Variants in CGGBP1 observed in about 807,000 individuals in gnomAD.
CGGBP1 encodes CGG triplet repeat binding protein 1, also known as CGG triplet repeat-binding protein 1.
A neutral mutation model predicts 11.4 loss-of-function variants in CGGBP1; 4 were observed. The ratio of observed to expected loss-of-function variants is 0.35; its 90% CI spans 0.17 to 0.80. The LOEUF (loss-of-function observed/expected upper bound fraction) is 0.80, where lower values mean the gene tolerates loss of function less well. Ranked by LOEUF, CGGBP1 falls within the 30% of genes least tolerant of loss-of-function variation. The pLI, the probability that CGGBP1 is intolerant of heterozygous loss-of-function variation, is 0.52. For synonymous variants in CGGBP1, 76 were observed against 74.1 expected, an observed-to-expected ratio of 1.03 and a Z score of -0.13; for missense variants, 135 against 202.1, an observed-to-expected ratio of 0.67 and a Z score of 2.01.
intron 2 of CGGBP1, among the ~76,000 whole-genome samples, chr3:88,099,791 G>A (rs1251705285): frequency 1.3e-5 from 2 of 151,964 alleles, no homozygotes; most frequent in East Asian, 1.9e-4. Flanking sequence ...CTGAAAATGG[G>A]TCCCTTCCTT....
intron 2 of CGGBP1, among the ~76,000 whole-genome samples, chr3:88,077,748 A>G (rs1044384744): frequency 5.3e-5 from 8 of 152,218 alleles, no homozygotes; most frequent in Admixed American, 2.6e-4. Flanking sequence ...TTAAAAACTG[A>G]AGAAGTCACA....
At chr3:88,120,368 C>T (rs1183001969) in intron 2 of CGGBP1, among the ~76,000 whole-genome samples, 1 of 152,136 alleles carries the variant, frequency 6.6e-6, no homozygotes, top group African/African-American at 2.4e-5. Context: ...ATACTGCTAT[C>T]TTGAGAGCTT....
upstream of CGGBP1, chr3:88,059,586 C>G (rs1706722036): frequency 6.9e-7 from 1 of 1,439,824 alleles, no homozygotes; most frequent in Non-Finnish European, 9.1e-7. Flanking sequence ...GTCCATGAAT[C>G]TGGTCTATGT....
At chr3:88,060,369 C>T (rs1053413720), upstream of CGGBP1, among the ~76,000 whole-genome samples, 2 of 152,108 alleles carry the variant, frequency 1.3e-5, no homozygotes, top group African/African-American at 2.4e-5. Context: ...CAAATATACC[C>T]CTACTTTTTT....
chr3:88,055,981 A>C lies in CGGBP1; in HGVS notation c.-5T>G. ...TGTTACTACAAATCGCTCCATTCTGACTCTAAATAAATATGGTTCTTTCAA... is the reference window on the plus strand; with the variant it reads ...TGTTACTACAAATCGCTCCATTCTGCCTCTAAATAAATATGGTTCTTTCAA... On this transcript the variant is annotated 5_prime_UTR_variant, in exon 4 of 4. Transcript: ENST00000482016. This position sits in a 1 kb window ranked among gnomAD's most constrained non-coding sequence, Gnocchi z 4.2. 3 of 1,592,202 alleles carry C rather than the reference A, an allele frequency of 1.9e-6. No homozygotes were observed. The highest frequency in any genetic ancestry group is 2.6e-6 in the Non-Finnish European group (3 of 1,168,668).
At chr3:88,115,555 CAAT>C (rs1332211420) in intron 2 of CGGBP1, among the ~76,000 whole-genome samples, 1 of 152,142 alleles carries the variant, frequency 6.6e-6, no homozygotes, top group Non-Finnish European at 1.5e-5. Context: ...TTTATTTTTA[CAAT>C]AATACCAAAA....
intron 2 of CGGBP1, chr3:88,139,291 A>G (rs370256107): frequency 2.0e-5 from 32 of 1,568,406 alleles, no homozygotes; most frequent in African/African-American, 1.1e-4. Flanking sequence ...GTAGATCACA[A>G]TGTCCCAAGG....
chr3:88,116,734 A>C (rs547464938), intron 2 of CGGBP1, among the ~76,000 whole-genome samples: 1 of 152,066 alleles, frequency 6.6e-6, no homozygotes, highest in Non-Finnish European at 1.5e-5. Flanking sequence ...GAGGTAAGAA[A>C]GTCTTATAAG....
At chr3:88,087,470 C>T (rs1708396001) in intron 2 of CGGBP1, among the ~76,000 whole-genome samples, 1 of 152,000 alleles carries the variant, frequency 6.6e-6, no homozygotes, top group African/African-American at 2.4e-5. Flanking sequence ...TCCTAAGAAC[C>T]CACTAAAATT....
intron 1 of CGGBP1, chr3:88,144,755 G>T (rs60033562): frequency 0.056 from 8,507 of 152,320 alleles, 260 homozygotes; most frequent in Admixed American, 0.078. Context: ...TCTCATAAAG[G>T]AATGGCATAT....
At position 88,055,676 on chromosome 3, in the gene CGGBP1, C is replaced by G. The variant is rs776286556; in HGVS notation, c.301G>C (p.Val101Leu). The G allele has an allele frequency of 2.2e-5, 35 of 1,614,100 alleles. No individual in the cohort carries two copies. Among genetic ancestry groups the G allele is most frequent in the Admixed American group, 3.3e-5 (2 of 60,012 alleles). ...TTCACAAAGTCCTGGATAACACTGACTTTCTCTGTTTGCGCAGTACTGTTG... is the reference window on the plus strand; with the variant it reads ...TTCACAAAGTCCTGGATAACACTGAGTTTCTCTGTTTGCGCAGTACTGTTG... Reference protein sequence around the residue: ...QCNSTAQTEKVSVIQDFVKMC... With the variant: ...QCNSTAQTEKLSVIQDFVKMC... Residue 101 changes from valine (V) to leucine (L), a missense_variant, in exon 4 of 4, where the codon GTC (valine) becomes CTC (leucine). By Grantham distance (32) the Val-to-Leu change is conservative. Coordinates refer to ENST00000482016, the MANE Select transcript of CGGBP1 (RefSeq NM_001008390.2). This position sits in a 1 kb window ranked among gnomAD's most constrained non-coding sequence, Gnocchi z 4.2.
upstream of CGGBP1, among the ~76,000 whole-genome samples, chr3:88,064,039 C>CA (rs1707048260): frequency 6.6e-6 from 1 of 151,608 alleles, no homozygotes; most frequent in African/African-American, 2.4e-5. Context: ...TTTCTTTGAT[C>CA]AACACATGCC....
intron 2 of CGGBP1, among the ~76,000 whole-genome samples, chr3:88,118,977 C>T (rs1240927886): frequency 4.7e-5 from 7 of 148,546 alleles, no homozygotes; most frequent in African/African-American, 1.0e-4. Context: ...GTCAGTGTGG[C>T]GATTCCTCAG....
intron 2 of CGGBP1, among the ~76,000 whole-genome samples, chr3:88,090,674 C>T (rs762290273): frequency 3.9e-5 from 6 of 152,184 alleles, no homozygotes; most frequent in Non-Finnish European, 8.8e-5. Flanking sequence ...CATTCACTCA[C>T]TGACACACCT....
Position 88,113,070 on chromosome 3 carries a change from C to G in CGGBP1, c.-229+27900G>C. The stretch of plus-strand genomic sequence containing the variant: ...CTGTTTGATAATCTTTTAATTGGAG[C>G]AAAACTCAAAGAAGCAATGAAAGTT... On this transcript the variant is annotated intron_variant, in intron 2 of 3. Transcript: ENST00000462901. The G allele has an allele frequency of 2.3e-6, 3 of 1,290,734 alleles. No homozygotes were observed. The South Asian group carries it at 4.0e-5, about 17-fold the overall frequency. 80.0% of individuals were successfully genotyped at this position (1,290,734 alleles called of 1,614,324 possible).
intron 2 of CGGBP1, among the ~76,000 whole-genome samples, chr3:88,068,222 T>C (rs1225894151): frequency 6.6e-6 from 1 of 152,108 alleles, no homozygotes; most frequent in Non-Finnish European, 1.5e-5. Flanking sequence ...TCAGTGCTTA[T>C]TTGTCTCGGT....
At chr3:88,061,885 G>T (rs1255995812), upstream of CGGBP1, among the ~76,000 whole-genome samples, 6 of 152,158 alleles carry the variant, frequency 3.9e-5, no homozygotes, top group African/African-American at 1.2e-4. Flanking sequence ...CTAAGTACAT[G>T]AATTATACAG....
intron 2 of CGGBP1, among the ~76,000 whole-genome samples, chr3:88,104,237 G>A (rs1704605086): frequency 6.6e-6 from 1 of 152,006 alleles, no homozygotes; most frequent in South Asian, 2.1e-4. Flanking sequence ...AGTGGAAAAT[G>A]GTAAATAAAA....
intron 2 of CGGBP1, among the ~76,000 whole-genome samples, chr3:88,070,067 G>A (rs1707420567): frequency 6.6e-6 from 1 of 152,120 alleles, no homozygotes; most frequent in South Asian, 2.1e-4. Context: ...GCTCATGAGA[G>A]TATGAAGATC....
Sources: gnomAD v4.1 joint callset for allele counts (sites outside exome capture counted in the v4.1 genomes callset) on GRCh38, gnomAD v4.1.1 for gene constraint, Gnocchi (gnomAD v3.1) non-coding constraint, MANE v1.5 for transcripts, NCBI Gene and HGNC (gene_info 2026-07-23, HGNC 2026-07-21) for gene names.